URI1: variants seen among roughly 807,000 people sequenced by gnomAD.
The protein encoded by URI1 is URI1 prefoldin like chaperone, also known as unconventional prefoldin RPB5 interactor 1.
Under a neutral mutation model 60.2 loss-of-function variants are expected in URI1, and 39 were observed. The observed-to-expected ratio is 0.65, with a 90% CI of 0.50 to 0.85. The LOEUF is 0.85. Ranked by LOEUF, URI1 falls within the 40% of genes least tolerant of loss-of-function variation. URI1 has a pLI of 0.00. For synonymous variants in URI1, 251 were observed against 236.8 expected (o/e 1.06, Z -0.55); for missense variants, 691 against 665.9 (o/e 1.04, Z -0.42).
rs1438808988 is a variant in URI1, at chr19:29,985,274, G to A, written c.204G>A (p.Leu68=). The change falls in exon 3 of 11, where the codon TTG becomes TTA. Residue 68 remains leucine, a synonymous_variant. Coordinates refer to ENST00000392271, the MANE Select transcript of URI1 (RefSeq NM_003796.3). ...CCCTTCGAGAAAGACTCAGCACCTT[G>A]CCTGATAAATTGTCTTATAATATAA... The part of the protein sequence containing the change: ...YNALRERLST[L]PDKLSYNIMV... 4.3e-6 allele frequency: 7 copies of A among 1,610,130 alleles called. No individual in the cohort carries two copies. The highest frequency in any genetic ancestry group is 5.9e-6 in the Non-Finnish European group (7 of 1,178,180).
At chr19:29,955,371 A>G (rs2055232435) in intron 1 of URI1, among the ~76,000 whole-genome samples, 1 of 152,146 alleles carries the variant, frequency 6.6e-6, no homozygotes, top group Non-Finnish European at 1.5e-5. Flanking sequence ...TTGATAGTAT[A>G]GATAATGCCT....
intron 1 of URI1, among the ~76,000 whole-genome samples, chr19:29,958,742 G>C (rs1201576068): frequency 6.6e-6 from 1 of 151,646 alleles, no homozygotes; most frequent in African/African-American, 2.4e-5. Flanking sequence ...GGCGGATCAC[G>C]TGAGGTCAGG....
chr19:29,980,612 TAAAAAAAAAAAAAAAA>T (rs71333427), intron 2 of URI1, among the ~76,000 whole-genome samples: 1 of 73,860 alleles, frequency 1.4e-5, no homozygotes, highest in Admixed American at 2.4e-4. Flanking sequence ...TTTTTTTTCT[TAAAAAAAAAAAAAAAA>T]AAAAAAAAAA....
chr19:29,955,074 G>A lies in URI1; in HGVS notation c.117+12410G>A, dbSNP rs1227562291. 2.0e-5 allele frequency among the ~76,000 whole-genome samples: 3 copies of A among 150,944 alleles called. No homozygotes were observed. The South Asian group carries it at 6.3e-4, about 32-fold the overall frequency. On this transcript the variant is annotated intron_variant, in intron 1 of 10. Coordinates refer to ENST00000392271, the MANE Select transcript of URI1 (RefSeq NM_003796.3). ...GGCTGGAGTGCAGCGGTGCATTCTC[G>A]GCTCCGCCTCCCGGGTTCATGCTAT...
chr19:29,948,967 G>GC (rs1159539709), intron 1 of URI1, among the ~76,000 whole-genome samples: 1 of 149,262 alleles, frequency 6.7e-6, no homozygotes, highest in Non-Finnish European at 1.5e-5. Flanking sequence ...GGGCGGAGGC[G>GC]CCCCCCACCT....
chr19:30,013,389 AC>A (rs1209109035), intron 10 of URI1, among the ~76,000 whole-genome samples: 2 of 152,160 alleles, frequency 1.3e-5, no homozygotes, highest in Non-Finnish European at 2.9e-5. Context: ...GCATTTAGGG[AC>A]AGTACATATG....
At chr19:29,991,183 A>C (rs960808608) in intron 4 of URI1, among the ~76,000 whole-genome samples, 7 of 152,168 alleles carry the variant, frequency 4.6e-5, no homozygotes, top group African/African-American at 1.7e-4. Flanking sequence ...CTAAATCAAC[A>C]CATTAATTTG....
rs984616430 is a variant in URI1 at position 29,951,210 on chromosome 19, G to GT, written c.117+8549dup. The stretch of plus-strand genomic sequence containing the variant: ...CCATTATTAGTGTTGCTAACCACTT[G>GT]TTTAAGATGTCAAGTCTCTCCATCA... On this transcript the variant is annotated intron_variant, in intron 1 of 10. Transcript: ENST00000392271. 9.2e-5 allele frequency among the ~76,000 whole-genome samples: 14 copies of GT among 152,170 alleles called. No homozygotes were observed. The East Asian group carries it at 2.7e-3, about 29-fold the overall frequency.
intron 4 of URI1, among the ~76,000 whole-genome samples, chr19:29,992,849 G>A (rs919135135): frequency 6.6e-6 from 1 of 152,036 alleles, no homozygotes; most frequent in African/African-American, 2.4e-5. Flanking sequence ...TTTGAACACC[G>A]GTATATAGAA....
rs537496218 is a variant in URI1 at position 30,013,433 on chromosome 19, A to G, written c.1425+902A>G. 6.6e-5 allele frequency among the ~76,000 whole-genome samples: 10 copies of G among 152,284 alleles called. No individual in the cohort carries two copies. In the East Asian group the frequency reaches 1.9e-3, roughly 29 times the overall value. Reference sequence around the variant, plus strand: ...TGTTTTCTTCCCCTCTTCTTAGTATAATGATCTTAGGTGACCTGGAAAGTA... The same window carrying G: ...TGTTTTCTTCCCCTCTTCTTAGTATGATGATCTTAGGTGACCTGGAAAGTA... On this transcript the variant is annotated intron_variant, in intron 10 of 10. Transcript: ENST00000392271.
At chr19:29,954,300 C>T (rs2055215657) in intron 1 of URI1, among the ~76,000 whole-genome samples, 1 of 152,140 alleles carries the variant, frequency 6.6e-6, no homozygotes, top group African/African-American at 2.4e-5. Flanking sequence ...CCAAAAGTCA[C>T]TTGAATTACT....
chr19:29,986,271 T>A lies in URI1; in HGVS notation c.232-11T>A. On this transcript the variant is annotated splice_polypyrimidine_tract_variant and intron_variant, in intron 3 of 10. Coordinates refer to ENST00000392271, the MANE Select transcript of URI1 (RefSeq NM_003796.3). The stretch of plus-strand genomic sequence containing the variant: ...TGTTTTTTCCCTTTTTTCTTTTTTT[T>A]TAAACAATAGGTACCATTTGGCCCT... 6.5e-7 allele frequency: 1 copy of A among 1,539,910 alleles called. No individual in the cohort carries two copies. Among genetic ancestry groups the A allele is most frequent in the Non-Finnish European group, 8.7e-7 (1 of 1,152,488 alleles).
In URI1 at chr19:29,997,578, AG is replaced by A. The variant is rs530615327; in HGVS notation, c.368-7782del. Among the ~76,000 whole-genome samples the A allele has an allele frequency of 2.6e-4, 40 of 152,158 alleles. 1 individual carries two copies. In the South Asian group the frequency reaches 8.3e-3, roughly 32 times the overall value. On this transcript the variant is annotated intron_variant, in intron 4 of 10. Coordinates refer to ENST00000392271, the MANE Select transcript of URI1 (RefSeq NM_003796.3). Reference sequence around the variant, plus strand: ...ATCTTTGTTATTCCTTTCTTCTGTTAGCTTTGGGTTCAGTTTACTCTTTCTT... The same window carrying A: ...ATCTTTGTTATTCCTTTCTTCTGTTACTTTGGGTTCAGTTTACTCTTTCTT...
chr19:29,999,720 A>G (rs1568440355), intron 4 of URI1, among the ~76,000 whole-genome samples: 1 of 152,020 alleles, frequency 6.6e-6, no homozygotes, highest in Non-Finnish European at 1.5e-5. Context: ...TTATCAAGCA[A>G]TGTGTATGCT....
chr19:29,985,183 ATCG>A, intron 2 of URI1, 37 bp from the exon 3 acceptor site: 2 of 367,386 alleles, frequency 5.4e-6, no homozygotes, highest in Non-Finnish European at 9.8e-6. Flanking sequence ...AAAAAGAAAA[ATCG>A]TTAATAATGT....
At chr19:30,007,781 C>T in intron 7 of URI1, 143 bp downstream of exon 7, 1 of 694,422 alleles carries the variant, frequency 1.4e-6, no homozygotes, top group Non-Finnish European at 2.2e-6. Flanking sequence ...ATCCTTTCAC[C>T]TCAAGATGAA....
At chr19:29,954,871 A>G (rs966488574) in intron 1 of URI1, among the ~76,000 whole-genome samples, 2 of 151,962 alleles carry the variant, frequency 1.3e-5, no homozygotes, top group Non-Finnish European at 2.9e-5. Flanking sequence ...TTCTTCTTCA[A>G]AAATACATGT....
Position 29,971,226 on chromosome 19 carries a change from T to G in URI1, c.151T>G (p.Trp51Gly). The change falls in exon 2 of 11, where the codon TGG becomes GGG. Residue 51 changes from tryptophan (W) to glycine (G), a missense_variant and splice_region_variant. Trp to Gly is a radical substitution (Grantham distance 184). Transcript: ENST00000392271. ...VTNCQERIQH[W>G]KKVDNDYNAL... ...TAACTGCCAAGAGAGAATCCAGCAT[T>G]GGTGAGTGAAAGATGGTTTTATTAC... 1 of 1,613,216 alleles carries G rather than the reference T, an allele frequency of 6.2e-7. No individual in the cohort carries two copies. Among genetic ancestry groups the G allele is most frequent in the Non-Finnish European group, 8.5e-7 (1 of 1,179,386 alleles).
At chr19:29,962,402 CTTT>C (rs11331580) in intron 1 of URI1, among the ~76,000 whole-genome samples, 18 of 123,452 alleles carry the variant, frequency 1.5e-4, no homozygotes, top group East Asian at 2.4e-4. Context: ...TTTATAGTAT[CTTT>C]TTTTTTTTTT....
Sources: gnomAD v4.1 joint callset for allele counts (sites outside exome capture counted in the v4.1 genomes callset) on GRCh38, gnomAD v4.1.1 for gene constraint, MANE v1.5 for transcripts, NCBI Gene and HGNC (gene_info 2026-07-23, HGNC 2026-07-21) for gene names.